Variants in TBCK observed in about 807,000 individuals in gnomAD.
TBCK encodes TBC domain-containing protein kinase-like protein.
A neutral mutation model predicts 113.4 loss-of-function variants in TBCK; 99 were observed. That is an observed-to-expected ratio of 0.87 (90% CI 0.74 to 1.03). TBCK has a LOEUF of 1.03. Among genes scored for constraint, TBCK ranks in the 50% least tolerant of loss-of-function variants. The pLI, the probability that TBCK is intolerant of heterozygous loss-of-function variation, is 0.00. For missense variants in TBCK, 1,045 were observed against 1,061.3 expected, an observed-to-expected ratio of 0.98 and a Z score of 0.21; for synonymous variants, 369 against 370.8, an observed-to-expected ratio of 1.00 and a Z score of 0.05.
Position 106,116,228 on chromosome 4 carries a change from C to G in TBCK, c.2386G>C (p.Val796Leu). 1 of 1,613,956 alleles carries G rather than the reference C, an allele frequency of 6.2e-7. No homozygotes were observed. ...TCTTCACTATTCCGGATGTCAACCA[C>G]CAGGAGCTTTGGTTTACTGGACTTT... ...KTKSSKPKLLVVDIRNSEDFI... is the reference protein window; with the variant it reads ...KTKSSKPKLLLVDIRNSEDFI... Residue 796 changes from valine (V) to leucine (L), a missense_variant, in exon 24 of 26, where the codon GTG becomes CTG. Physicochemically the swap from Val to Leu is conservative, Grantham distance 32. Transcript: ENST00000394708.
intron 3 of TBCK, among the ~76,000 whole-genome samples, chr4:106,272,764 G>A (rs1763634744): frequency 1.3e-5 from 2 of 151,856 alleles, no homozygotes; most frequent in Non-Finnish European, 2.9e-5. Context: ...CACAGTGCTG[G>A]GATTACAAGC....
intron 25 of TBCK, among the ~76,000 whole-genome samples, chr4:106,059,223 A>T (rs1157816530): frequency 6.6e-6 from 1 of 151,670 alleles, no homozygotes; most frequent in Non-Finnish European, 1.5e-5. Context: ...TCAGTTAAAC[A>T]GTACACTTAG....
intron 23 of TBCK, among the ~76,000 whole-genome samples, chr4:106,147,145 T>C (rs1245294928): frequency 6.6e-6 from 1 of 152,218 alleles, no homozygotes; most frequent in Non-Finnish European, 1.5e-5. Context: ...CAGTGAAGTC[T>C]TGAACTCCTC....
rs1004208268 is a variant in TBCK at position 106,215,499 on chromosome 4, A to C, written c.1775-2664T>G. On this transcript the variant is annotated intron_variant, in intron 19 of 25. Coordinates refer to ENST00000394708, the MANE Select transcript of TBCK (RefSeq NM_001163435.3). ...TCACGTGCAGAGACACACATAGGCT[A>C]AAAATAAAAGGATGGAGGAAGATCT... 9.9e-5 allele frequency among the ~76,000 whole-genome samples: 15 copies of C among 152,256 alleles called. No homozygotes were observed. The East Asian group carries it at 1.7e-3, about 18-fold the overall frequency.
chr4:106,120,322 CAG>C (rs1056027131), intron 23 of TBCK, among the ~76,000 whole-genome samples: 2 of 152,090 alleles, frequency 1.3e-5, no homozygotes, highest in African/African-American at 4.8e-5. Context: ...CTTACGCCCA[CAG>C]AGTCTCGCTG....
chr4:106,170,386 T>C (rs1750849818), intron 23 of TBCK, among the ~76,000 whole-genome samples: 1 of 152,108 alleles, frequency 6.6e-6, no homozygotes, highest in Non-Finnish European at 1.5e-5. Flanking sequence ...GAGGCAGAGA[T>C]TGTAATTATT....
At chr4:106,250,369 T>G in intron 7 of TBCK, 49 bp downstream of exon 7, 3 of 1,220,530 alleles carry the variant, frequency 2.5e-6, no homozygotes, top group Non-Finnish European at 3.6e-6. Flanking sequence ...TGATTACTAA[T>G]AGTAAGTTAT....
intron 20 of TBCK, among the ~76,000 whole-genome samples, chr4:106,197,480 T>C (rs1340096787): frequency 6.9e-6 from 1 of 144,888 alleles, no homozygotes; most frequent in Non-Finnish European, 1.5e-5. Context: ...AGTGAAAAAA[T>C]GCCAAGATCA....
At chr4:106,153,994 G>A (rs192551890) in intron 23 of TBCK, among the ~76,000 whole-genome samples, 1 of 151,990 alleles carries the variant, frequency 6.6e-6, no homozygotes, top group East Asian at 1.9e-4. Context: ...AGATCATTAG[G>A]TCTTGCTTTT....
chr4:106,181,362 C>A (rs1437802963), intron 22 of TBCK, among the ~76,000 whole-genome samples: 1 of 152,096 alleles, frequency 6.6e-6, no homozygotes, highest in Non-Finnish European at 1.5e-5. Context: ...TGCAGAAGCT[C>A]TTTAGTTTAA....
rs573279929 is a variant in TBCK at position 106,103,700 on chromosome 4, C to G, written c.2412-8059G>C. On this transcript the variant is annotated intron_variant, in intron 24 of 25. Coordinates refer to ENST00000394708, the MANE Select transcript of TBCK (RefSeq NM_001163435.3). Reference sequence around the variant, plus strand: ...AGAAGTCAATTTACTTCAATCTATTCAAGAAGCAGCTAGTGTGCGTGGCTA... The same window carrying G: ...AGAAGTCAATTTACTTCAATCTATTGAAGAAGCAGCTAGTGTGCGTGGCTA... Among the ~76,000 whole-genome samples the G allele has an allele frequency of 2.1e-4, 32 of 152,302 alleles. No individual in the cohort carries two copies. In the South Asian group the frequency reaches 3.7e-3, roughly 18 times the overall value.
intron 25 of TBCK, among the ~76,000 whole-genome samples, chr4:106,063,165 C>A (rs1305548607): frequency 6.6e-6 from 1 of 151,854 alleles, no homozygotes; most frequent in Non-Finnish European, 1.5e-5. Context: ...CTAATATAAA[C>A]CTACAGACTA....
At position 106,228,307 on chromosome 4, in the gene TBCK, C is replaced by T. The variant is rs1205756171; in HGVS notation, c.1774+2056G>A. On this transcript the variant is annotated intron_variant, in intron 19 of 25. Transcript: ENST00000394708. ...TATTAACTGTAGTCACCCTGTTGTG[C>T]TAGCAAATACAAGGTCTTATTTATT... 2.0e-5 allele frequency among the ~76,000 whole-genome samples: 3 copies of T among 150,596 alleles called. No homozygotes were observed. In the Admixed American group the frequency reaches 2.0e-4, roughly 10 times the overall value.
chr4:106,228,568 C>G (rs939322170), intron 19 of TBCK, among the ~76,000 whole-genome samples: 1 of 151,974 alleles, frequency 6.6e-6, no homozygotes, highest in Middle Eastern at 3.4e-3. Flanking sequence ...TTGAAAATGA[C>G]GGGATCCCAT....
In TBCK at chr4:106,279,127, A is replaced by C. The variant is rs771508881; in HGVS notation, c.266+15967T>G. On this transcript the variant is annotated intron_variant, in intron 3 of 25. Transcript: ENST00000394708. The stretch of plus-strand genomic sequence containing the variant: ...GGATATAGACAATACCACAAAATAA[A>C]ATTCAAAATGTTCCTTTGAAGTCAG... Among the ~76,000 whole-genome samples, 85 of 152,246 alleles carry C rather than the reference A, an allele frequency of 5.6e-4. 1 individual carries two copies. Among genetic ancestry groups the C allele is most frequent in the South Asian group, 1.2e-3 (6 of 4,826 alleles).
intron 25 of TBCK, among the ~76,000 whole-genome samples, chr4:106,069,736 G>C (rs1737137756): frequency 6.6e-6 from 1 of 152,196 alleles, no homozygotes. Flanking sequence ...ACCCTGGGCA[G>C]TATGGCCATT....
intron 22 of TBCK, among the ~76,000 whole-genome samples, chr4:106,191,601 T>C (rs1323951056): frequency 5.3e-5 from 8 of 152,184 alleles, no homozygotes; most frequent in African/African-American, 1.9e-4. Flanking sequence ...TAATAGGACC[T>C]ATCATCAATG....
intron 25 of TBCK, among the ~76,000 whole-genome samples, chr4:106,077,482 G>C (rs1009700990): frequency 2.0e-5 from 3 of 152,134 alleles, no homozygotes; most frequent in Non-Finnish European, 4.4e-5. Context: ...AGATTGATTA[G>C]GTAAATAGAA....
intron 2 of TBCK, among the ~76,000 whole-genome samples, chr4:106,298,619 C>CA (rs138282012): frequency 0.14 from 21,382 of 151,006 alleles, 1,699 homozygotes; most frequent in South Asian, 0.25. Context: ...AAAACAACAA[C>CA]AAAAAAAAGA....
Sources: allele counts gnomAD v4.1 joint callset (sites outside exome capture counted in the v4.1 genomes callset), GRCh38; gene constraint gnomAD v4.1.1; transcripts MANE v1.5; gene names NCBI Gene and HGNC (gene_info 2026-07-23, HGNC 2026-07-21).